SGCZ: variants seen among roughly 807,000 people sequenced by gnomAD.
SGCZ encodes sarcoglycan zeta, also known as zeta-sarcoglycan.
SGCZ carries 40 observed loss-of-function variants against 41.3 expected under a neutral mutation model. That is an observed-to-expected ratio of 0.97 (90% CI 0.75 to 1.26). SGCZ has a LOEUF of 1.26. SGCZ is among the 50% of genes most tolerant of loss of function. The pLI, the probability that SGCZ is intolerant of heterozygous loss-of-function variation, is 0.00. For synonymous variants in SGCZ, 206 were observed against 137.5 expected (o/e 1.50, Z -3.49); for missense variants, 552 against 369.8 (o/e 1.49, Z -4.04).
intron 1 of SGCZ, among the ~76,000 whole-genome samples, chr8:15,007,596 G>A (rs1426344382): frequency 2.0e-5 from 3 of 152,264 alleles, no homozygotes; most frequent in African/African-American, 7.2e-5. Flanking sequence ...GGAGATTCAT[G>A]TTCCTGATAT....
At chr8:14,486,066 A>G (rs763210484) in intron 2 of SGCZ, among the ~76,000 whole-genome samples, 21 of 152,220 alleles carry the variant, frequency 1.4e-4, no homozygotes, top group Non-Finnish European at 2.5e-4. Context: ...TACTGATACA[A>G]TACAAAATAA....
chr8:14,936,059 T>G (rs1800069908), intron 1 of SGCZ, among the ~76,000 whole-genome samples: 1 of 151,928 alleles, frequency 6.6e-6, no homozygotes, highest in Middle Eastern at 3.2e-3. Context: ...TACCTAGACT[T>G]TAAATATTCA....
intron 2 of SGCZ, among the ~76,000 whole-genome samples, chr8:14,338,112 C>T (rs1176116588): frequency 6.6e-6 from 1 of 152,154 alleles, no homozygotes; most frequent in Non-Finnish European, 1.5e-5. Context: ...GTCAAGATTC[C>T]TTGCCCAAGT....
At chr8:14,717,378 C>T (rs376346358) in intron 1 of SGCZ, among the ~76,000 whole-genome samples, 140 of 152,192 alleles carry the variant, frequency 9.2e-4, no homozygotes, top group Non-Finnish European at 1.7e-3. Context: ...CTATAAATCA[C>T]TTACAGTAAT....
In SGCZ at chr8:14,461,834, G is replaced by A. The variant is rs547442378; in HGVS notation, c.234+92898C>T. Among the ~76,000 whole-genome samples, 16 of 152,162 alleles carry A rather than the reference G, an allele frequency of 1.1e-4. 1 individual carries two copies. In the South Asian group the frequency reaches 3.3e-3, roughly 32 times the overall value. ...CTGCCATCACAAAACGTAGTTGCTTGCAGTACACTCTAAGCTCTTTCAGGA... is the reference window on the plus strand; with the variant it reads ...CTGCCATCACAAAACGTAGTTGCTTACAGTACACTCTAAGCTCTTTCAGGA... On this transcript the variant is annotated intron_variant, in intron 2 of 7. Coordinates refer to ENST00000382080, the MANE Select transcript of SGCZ (RefSeq NM_139167.4).
chr8:14,448,017 C>G (rs549818425), intron 2 of SGCZ, among the ~76,000 whole-genome samples: 30 of 151,954 alleles, frequency 2.0e-4, no homozygotes, highest in Non-Finnish European at 1.5e-4. Context: ...TTAAAATAGT[C>G]TGAAATCGGG....
At position 14,343,166 on chromosome 8, in the gene SGCZ, C is replaced by G. The variant is rs1453009769; in HGVS notation, c.235-18962G>C. Among the ~76,000 whole-genome samples the G allele has an allele frequency of 2.0e-5, 3 of 152,204 alleles. No individual in the cohort carries two copies. The East Asian group carries it at 5.8e-4, about 29-fold the overall frequency. On this transcript the variant is annotated intron_variant, in intron 2 of 7. Coordinates refer to ENST00000382080, the MANE Select transcript of SGCZ (RefSeq NM_139167.4). ...GAAGATGTATGGAAACACTTGGATG[C>G]CCAGGCAAAAGTTTGCTGCATGGGC...
intron 2 of SGCZ, among the ~76,000 whole-genome samples, chr8:14,394,957 G>C (rs192009673): frequency 6.6e-6 from 1 of 152,118 alleles, no homozygotes; most frequent in East Asian, 1.9e-4. Flanking sequence ...TTACTTACTA[G>C]ATGGTGACAT....
intron 1 of SGCZ, among the ~76,000 whole-genome samples, chr8:15,010,502 TTTAAA>T (rs1802784893): frequency 6.6e-6 from 1 of 152,292 alleles, no homozygotes. Context: ...TGAGAAGTGA[TTTAAA>T]TTAAAGTTCA....
intron 1 of SGCZ, among the ~76,000 whole-genome samples, chr8:14,912,961 A>T (rs1473040691): frequency 2.0e-5 from 3 of 152,080 alleles, no homozygotes; most frequent in Admixed American, 6.6e-5. Context: ...TTATTTAATC[A>T]TTCTTGTTTG....
intron 1 of SGCZ, among the ~76,000 whole-genome samples, chr8:14,675,338 A>T (rs1201655080): frequency 6.6e-6 from 1 of 151,854 alleles, no homozygotes; most frequent in Non-Finnish European, 1.5e-5. Flanking sequence ...ATAATACCGA[A>T]ACAAACATTT....
intron 1 of SGCZ, chr8:14,853,426 C>T (rs536601788): frequency 1.7e-5 from 9 of 531,864 alleles, no homozygotes; most frequent in South Asian, 1.3e-4. Context: ...GAGGTAAAGG[C>T]TAGGACACTT....
At chr8:14,819,954 C>A (rs1000630245) in intron 1 of SGCZ, among the ~76,000 whole-genome samples, 4 of 151,994 alleles carry the variant, frequency 2.6e-5, no homozygotes, top group African/African-American at 9.7e-5. Context: ...AAGAAAGGAA[C>A]AATGTACCTA....
intron 2 of SGCZ, among the ~76,000 whole-genome samples, chr8:14,425,672 A>G (rs1007496509): frequency 1.3e-5 from 2 of 152,092 alleles, no homozygotes; most frequent in East Asian, 3.9e-4. Flanking sequence ...TTACAAATGT[A>G]TTACAGATCA....
At chr8:14,116,638 T>C (rs1802532260) in intron 5 of SGCZ, among the ~76,000 whole-genome samples, 1 of 152,144 alleles carries the variant, frequency 6.6e-6, no homozygotes, top group Admixed American at 6.6e-5. Context: ...TTTTTGTTTC[T>C]GTGAGATTAT....
rs954452037 is a variant in SGCZ, at chr8:14,737,174, A to T, written c.40-182248T>A. Among the ~76,000 whole-genome samples, 28 of 141,548 alleles carry T rather than the reference A, an allele frequency of 2.0e-4. 1 individual carries two copies. Among genetic ancestry groups the T allele is most frequent in the Non-Finnish European group, 3.0e-5 (2 of 65,882 alleles). The allele number at this position is 141,548 out of a possible 152,430, so 92.9% of individuals were successfully genotyped here. A position where few individuals can be genotyped will look rare whatever the true frequency, so the allele number is the denominator to read the frequency against. Reference sequence around the variant, plus strand: ...ATATATCTATATACCAGATATATATATCATACATATATATATATGTATGAT... The same window carrying T: ...ATATATCTATATACCAGATATATATTTCATACATATATATATATGTATGAT... On this transcript the variant is annotated intron_variant, in intron 1 of 7. Coordinates refer to ENST00000382080, the MANE Select transcript of SGCZ (RefSeq NM_139167.4).
intron 1 of SGCZ, among the ~76,000 whole-genome samples, chr8:14,642,392 A>G (rs1807056423): frequency 6.6e-6 from 1 of 151,596 alleles, no homozygotes; most frequent in South Asian, 2.1e-4. Flanking sequence ...TTTAATATCT[A>G]TAGACAAATC....
At chr8:14,213,706 C>T (rs955643827) in intron 4 of SGCZ, among the ~76,000 whole-genome samples, 2 of 151,788 alleles carry the variant, frequency 1.3e-5, no homozygotes, top group African/African-American at 2.4e-5. Context: ...TTAAAAATAT[C>T]AAGTTTGATA....
At chr8:15,083,071 C>G (rs1011058687) in intron 1 of SGCZ, among the ~76,000 whole-genome samples, 9 of 152,096 alleles carry the variant, frequency 5.9e-5, no homozygotes, top group African/African-American at 2.2e-4. Flanking sequence ...TAGTCGTGTT[C>G]AAATGAAATA....
Sources: allele counts gnomAD v4.1 joint callset (sites outside exome capture counted in the v4.1 genomes callset), GRCh38; gene constraint gnomAD v4.1.1; transcripts MANE v1.5; gene names NCBI Gene and HGNC (gene_info 2026-07-23, HGNC 2026-07-21).